PMS1: variants seen among roughly 807,000 people sequenced by gnomAD.
PMS1 encodes the protein PMS1 homolog 1, mismatch repair system component.
PMS1 carries 79 observed loss-of-function variants against 93.1 expected under a neutral mutation model. The ratio of observed to expected loss-of-function variants is 0.85; its 90% CI spans 0.71 to 1.02. The LOEUF is 1.02. PMS1 is among the 50% of genes least tolerant of loss of function. PMS1 has a pLI of 0.00. For synonymous variants in PMS1, 335 were observed against 363.4 expected (o/e 0.92, Z 0.89); for missense variants, 1,064 against 1,085.3 (o/e 0.98, Z 0.28).
Position 189,819,062 on chromosome 2 carries a change from T to C in PMS1, c.582+882T>C, listed in dbSNP as rs376994860. ...CATCCACCCTCCTCCCTCTCTACCT[T>C]TGTGAGTCTCCATTGTCTATCATTC... On this transcript the variant is annotated intron_variant, in intron 5 of 12. Transcript: ENST00000441310. Among the ~76,000 whole-genome samples the C allele has an allele frequency of 1.1e-3, 175 of 152,324 alleles. No homozygotes were observed. The Middle Eastern group carries it at 0.031, about 27-fold the overall frequency.
chr2:189,794,521 TATATC>T (rs1370257498), intron 2 of PMS1, among the ~76,000 whole-genome samples: 1 of 152,254 alleles, frequency 6.6e-6, no homozygotes, highest in Non-Finnish European at 1.5e-5. Flanking sequence ...TATACAGTAT[TATATC>T]ATTTTAGGTT....
chr2:189,787,151 G>C (rs1253873697), intron 1 of PMS1, among the ~76,000 whole-genome samples: 1 of 152,204 alleles, frequency 6.6e-6, no homozygotes, highest in African/African-American at 2.4e-5. Context: ...TATTTAGAAG[G>C]TAGATGGAAG....
intron 5 of PMS1, among the ~76,000 whole-genome samples, chr2:189,832,998 C>G (rs751430966): frequency 1.3e-5 from 2 of 152,162 alleles, no homozygotes; most frequent in Non-Finnish European, 2.9e-5. Flanking sequence ...CTCCCTCTGC[C>G]AGCTTTGTTC....
chr2:189,809,774 G>T (rs1322793744), intron 4 of PMS1, among the ~76,000 whole-genome samples: 1 of 152,112 alleles, frequency 6.6e-6, no homozygotes, highest in Non-Finnish European at 1.5e-5. Flanking sequence ...GGAGGTTGCA[G>T]TGAGCCGAGA....
At chr2:189,845,719 C>T (rs939315509) in intron 6 of PMS1, among the ~76,000 whole-genome samples, 1 of 151,926 alleles carries the variant, frequency 6.6e-6, no homozygotes, top group African/African-American at 2.4e-5. Flanking sequence ...TTTCTTGGCA[C>T]TTATACTCAT....
intron 6 of PMS1, among the ~76,000 whole-genome samples, chr2:189,851,180 C>T (rs1036041102): frequency 6.6e-6 from 1 of 152,082 alleles, no homozygotes; most frequent in Admixed American, 6.5e-5. Flanking sequence ...TAAGATTATC[C>T]TAAACCATTT....
chr2:189,852,823 C>A, intron 7 of PMS1, 46 bp downstream of exon 7: 1 of 1,242,700 alleles, frequency 8.0e-7, no homozygotes, highest in Non-Finnish European at 1.2e-6. Context: ...GGAAATTTGT[C>A]ACATTGTAAC....
intron 2 of PMS1, among the ~76,000 whole-genome samples, chr2:189,793,704 T>C (rs907617217): frequency 6.6e-6 from 1 of 152,374 alleles, no homozygotes; most frequent in East Asian, 1.9e-4. Context: ...ACAGAAGTCC[T>C]GTATAAACTA....
chr2:189,824,767 C>G (rs370518489), intron 5 of PMS1, among the ~76,000 whole-genome samples: 1 of 152,004 alleles, frequency 6.6e-6, no homozygotes, highest in Non-Finnish European at 1.5e-5. Flanking sequence ...TATTTATGTT[C>G]AAGCTTTTTT....
chr2:189,793,632 A>G (rs2049087377), intron 2 of PMS1, among the ~76,000 whole-genome samples: 1 of 152,216 alleles, frequency 6.6e-6, no homozygotes, highest in African/African-American at 2.4e-5. Flanking sequence ...TGGCAGGCAG[A>G]CATCTTTTTC....
intron 5 of PMS1, among the ~76,000 whole-genome samples, chr2:189,830,117 A>G (rs1195274958): frequency 6.6e-6 from 1 of 152,144 alleles, no homozygotes; most frequent in East Asian, 1.9e-4. Flanking sequence ...TAAATATGTT[A>G]GGTTTTTAGG....
intron 5 of PMS1, among the ~76,000 whole-genome samples, chr2:189,827,003 T>G (rs1287433931): frequency 6.6e-6 from 1 of 152,208 alleles, no homozygotes; most frequent in African/African-American, 2.4e-5. Flanking sequence ...TTCACTTGTA[T>G]TCACATATAC....
intron 5 of PMS1, among the ~76,000 whole-genome samples, chr2:189,824,375 T>G (rs2052237312): frequency 6.6e-6 from 1 of 152,118 alleles, no homozygotes; most frequent in Non-Finnish European, 1.5e-5. Flanking sequence ...TTCTGGTCAT[T>G]ATCCTGTTTT....
chr2:189,805,671 C>T lies in PMS1; in HGVS notation c.335C>T (p.Thr112Met), dbSNP rs576285843. The change falls in exon 4 of 13, where the codon ACG becomes ATG. Residue 112 changes from threonine to methionine, a missense_variant. Transcript: ENST00000441310. ...CIAEVLITTR[T>M]AADNFSTQYV... ...CCCCAGGTTTTAATTACAACAAGAA[C>T]GGCTGCTGATAATTTTAGCACCCAG... The T allele has an allele frequency of 7.4e-6, 12 of 1,613,424 alleles. No individual in the cohort carries two copies. The highest frequency in any genetic ancestry group is 1.7e-5 in the Admixed American group (1 of 60,008).
intron 3 of PMS1, among the ~76,000 whole-genome samples, chr2:189,801,993 T>C (rs1334339323): frequency 2.0e-5 from 3 of 152,256 alleles, no homozygotes; most frequent in Non-Finnish European, 4.4e-5. Context: ...GGTAAATTCC[T>C]TCTAATTCTC....
At chr2:189,852,448 A>G (rs2054842932) in intron 6 of PMS1, among the ~76,000 whole-genome samples, 1 of 152,224 alleles carries the variant, frequency 6.6e-6, no homozygotes, top group Non-Finnish European at 1.5e-5. Context: ...GTTGCCAACA[A>G]AAAGAGGCAG....
intron 5 of PMS1, among the ~76,000 whole-genome samples, chr2:189,827,109 T>A (rs2052505273): frequency 6.6e-6 from 1 of 152,178 alleles, no homozygotes; most frequent in Admixed American, 6.5e-5. Context: ...GATGGGGCAG[T>A]TGAGGGGAAA....
intron 2 of PMS1, among the ~76,000 whole-genome samples, chr2:189,792,308 T>C (rs2048935779): frequency 6.6e-6 from 1 of 152,146 alleles, no homozygotes; most frequent in Admixed American, 6.5e-5. Flanking sequence ...TTTTTTCACA[T>C]TTTAAAATTT....
At chr2:189,811,708 A>C (rs1046779734) in intron 4 of PMS1, among the ~76,000 whole-genome samples, 1 of 152,240 alleles carries the variant, frequency 6.6e-6, no homozygotes, top group African/African-American at 2.4e-5. Context: ...AACAGAACCA[A>C]GTGGAAAAAA....
Sources: gnomAD v4.1 joint callset for allele counts (sites outside exome capture counted in the v4.1 genomes callset) on GRCh38, gnomAD v4.1.1 for gene constraint, MANE v1.5 for transcripts, NCBI Gene and HGNC (gene_info 2026-07-23, HGNC 2026-07-21) for gene names.